PCDHA2: variants seen among roughly 807,000 people sequenced by gnomAD.
The protein encoded by PCDHA2 is protocadherin alpha 2.
In PCDHA2, 58 loss-of-function variants were observed where a neutral mutation model predicts 66.0. The observed-to-expected ratio is 0.88, with a 90% CI of 0.71 to 1.09. The LOEUF is 1.09. Among genes scored for constraint, PCDHA2 ranks in the 50% least tolerant of loss-of-function variants. PCDHA2 has a pLI of 0.00. For synonymous variants in PCDHA2, 634 were observed against 554.0 expected, an observed-to-expected ratio of 1.14 and a Z score of -2.03; for missense variants, 1,267 against 1,242.3, an observed-to-expected ratio of 1.02 and a Z score of -0.30.
chr5:140,809,212 G>A, intron 1 of PCDHA2: 1 of 1,614,038 alleles, frequency 6.2e-7, no homozygotes, highest in South Asian at 1.1e-5. Flanking sequence ...GTGGACAGGC[G>A]CCAAAGGCCT....
At chr5:140,871,204 A>G in intron 1 of PCDHA2, 1 of 1,613,764 alleles carries the variant, frequency 6.2e-7, no homozygotes, top group Non-Finnish European at 8.5e-7. Context: ...GTACCTGATC[A>G]TCGCCATCTG....
intron 1 of PCDHA2, among the ~76,000 whole-genome samples, chr5:140,921,612 TATC>T (rs2080294560): frequency 6.6e-6 from 1 of 152,158 alleles, no homozygotes; most frequent in Non-Finnish European, 1.5e-5. Flanking sequence ...ATAAGAAAAA[TATC>T]ATCAGATCAT....
chr5:140,932,016 G>A lies in PCDHA2; in HGVS notation c.2389-46933G>A, dbSNP rs73266047. Among the ~76,000 whole-genome samples, 510 of 151,544 alleles carry A rather than the reference G, an allele frequency of 3.4e-3. 2 individuals carry two copies. Among genetic ancestry groups the A allele is most frequent in the African/African-American group, 0.012 (481 of 41,364 alleles). ...TCTAAGTTCTTTCATTTTAGTTTAC[G>A]GTAAGTTTACAGTATATATTAACAT... On this transcript the variant is annotated intron_variant, in intron 1 of 3. Transcript: ENST00000526136.
chr5:140,855,491 A>G (rs251361), intron 1 of PCDHA2, among the ~76,000 whole-genome samples: 72,952 of 149,084 alleles, frequency 0.49, 20,776 homozygotes, highest in South Asian at 0.61. Flanking sequence ...TTAGTGTCTA[A>G]ATAAACCTTA....
intron 1 of PCDHA2, among the ~76,000 whole-genome samples, chr5:140,922,635 C>G (rs1403011776): frequency 6.6e-6 from 1 of 152,118 alleles, no homozygotes; most frequent in Non-Finnish European, 1.5e-5. Context: ...ATAAGCCACT[C>G]CATCAAACAG....
chr5:140,815,959 G>T (rs1386419229), intron 1 of PCDHA2: 1 of 152,146 alleles, frequency 6.6e-6, no homozygotes, highest in Non-Finnish European at 1.5e-5. Context: ...AGAGTTAGGG[G>T]TGTTCTTTTG....
chr5:140,834,541 G>A, intron 1 of PCDHA2: 2 of 1,614,080 alleles, frequency 1.2e-6, no homozygotes, highest in African/African-American at 1.3e-5. Flanking sequence ...CAGGACCTGG[G>A]GCTGGAGCTG....
chr5:140,956,904 G>A lies in PCDHA2; in HGVS notation c.2389-22045G>A, dbSNP rs182022057. ...TATCAATGAATGAATATTCTTAAAT[G>A]TATAAACTTTAATCTTGCTGGATAT... On this transcript the variant is annotated intron_variant, in intron 1 of 3. Transcript: ENST00000526136. Among the ~76,000 whole-genome samples, 178 of 152,232 alleles carry A rather than the reference G, an allele frequency of 1.2e-3. 1 individual carries two copies. Among genetic ancestry groups the A allele is most frequent in the African/African-American group, 3.9e-3 (163 of 41,538 alleles).
intron 1 of PCDHA2, chr5:140,810,694 A>G (rs963072160): frequency 6.6e-6 from 1 of 151,434 alleles, no homozygotes. Context: ...TTTTGCTTCC[A>G]TAGAACTTTA....
At chr5:140,837,881 G>T (rs1360398902) in intron 1 of PCDHA2, among the ~76,000 whole-genome samples, 2 of 151,490 alleles carry the variant, frequency 1.3e-5, no homozygotes, top group Admixed American at 6.6e-5. Flanking sequence ...GTGGAGTCTT[G>T]TTTCCCAGGC....
intron 1 of PCDHA2, chr5:140,823,126 G>T: frequency 6.2e-7 from 1 of 1,614,022 alleles, no homozygotes; most frequent in African/African-American, 1.3e-5. Context: ...GAACGACAAC[G>T]CTCCGGCGTT....
intron 1 of PCDHA2, among the ~76,000 whole-genome samples, chr5:140,872,046 C>T (rs1554166008): frequency 6.6e-6 from 1 of 152,230 alleles, no homozygotes; most frequent in Non-Finnish European, 1.5e-5. Context: ...AGAATTCTCC[C>T]ACTTCAGCCT....
intron 1 of PCDHA2, chr5:140,858,627 T>A: frequency 1.8e-6 from 2 of 1,097,414 alleles, no homozygotes; most frequent in South Asian, 1.7e-5. Flanking sequence ...ACCCAGTGTG[T>A]CAGCCTTTGA....
At chr5:140,835,281 G>A (rs2150233250) in intron 1 of PCDHA2, 1 of 1,611,780 alleles carries the variant, frequency 6.2e-7, no homozygotes, top group East Asian at 2.2e-5. Flanking sequence ...CCCCTTAAGT[G>A]GGGCAATCAC....
rs562081561 is a variant in PCDHA2 at position 140,927,834 on chromosome 5, C to T, written c.2389-51115C>T. 1.2e-5 allele frequency: 19 copies of T among 1,614,138 alleles called. No homozygotes were observed. In the East Asian group the frequency reaches 2.2e-4, roughly 19 times the overall value. ...TGGAGGCATACATTGAGGCGAGGGA[C>T]GAAGGTGTCTTTGGTTTAGCTAGCA... On this transcript the variant is annotated intron_variant, in intron 1 of 3. Coordinates refer to ENST00000526136, the MANE Select transcript of PCDHA2 (RefSeq NM_018905.3).
intron 3 of PCDHA2, among the ~76,000 whole-genome samples, chr5:140,992,987 C>G (rs1259400627): frequency 6.6e-6 from 1 of 152,158 alleles, no homozygotes; most frequent in East Asian, 1.9e-4. Context: ...GGCCATGGGA[C>G]CCATGAAAGA....
chr5:140,809,378 G>T, intron 1 of PCDHA2: 2 of 1,614,046 alleles, frequency 1.2e-6, no homozygotes, highest in Non-Finnish European at 1.7e-6. Flanking sequence ...CACCGAGGGC[G>T]CGTGCGCTCC....
intron 1 of PCDHA2, among the ~76,000 whole-genome samples, chr5:140,904,137 G>A (rs2070857554): frequency 6.6e-6 from 1 of 152,040 alleles, no homozygotes; most frequent in African/African-American, 2.4e-5. Context: ...CATCACCCGA[G>A]CAGTATACAT....
intron 1 of PCDHA2, chr5:140,969,451 T>C (rs1016577934): frequency 3.3e-6 from 5 of 1,511,952 alleles, no homozygotes; most frequent in Non-Finnish European, 3.6e-6. Context: ...GTAAACTGAG[T>C]ATATATAGTA....
Sources: gnomAD v4.1 joint callset for allele counts (sites outside exome capture counted in the v4.1 genomes callset) on GRCh38, gnomAD v4.1.1 for gene constraint, MANE v1.5 for transcripts, NCBI Gene and HGNC (gene_info 2026-07-23, HGNC 2026-07-21) for gene names.